Variants in PRKAG2 observed in about 807,000 individuals in gnomAD.
PRKAG2 encodes the protein protein kinase AMP-activated non-catalytic subunit gamma 2.
Under a neutral mutation model 69.6 loss-of-function variants are expected in PRKAG2, and 26 were observed. That is an observed-to-expected ratio of 0.37 (90% CI 0.27 to 0.52). The LOEUF (loss-of-function observed/expected upper bound fraction) is 0.52, where lower values mean the gene tolerates loss of function less well. PRKAG2 is among the 20% of genes least tolerant of loss of function. The pLI is 0.90. For missense variants in PRKAG2, 557 were observed against 740.0 expected, an observed-to-expected ratio of 0.75 and a Z score of 2.87; for synonymous variants, 293 against 285.0, an observed-to-expected ratio of 1.03 and a Z score of -0.28.
intron 3 of PRKAG2, among the ~76,000 whole-genome samples, chr7:151,757,384 C>T (rs1041393891): frequency 1.3e-5 from 2 of 152,146 alleles, no homozygotes; most frequent in Non-Finnish European, 1.5e-5. Flanking sequence ...AAGACTCATT[C>T]GAATTTCAAA....
At chr7:151,722,551 C>T (rs910149837) in intron 3 of PRKAG2, among the ~76,000 whole-genome samples, 3 of 152,186 alleles carry the variant, frequency 2.0e-5, no homozygotes, top group Middle Eastern at 3.4e-3. Context: ...AAGAAGGGCT[C>T]GGCTTTGATA....
chr7:151,723,508 C>A (rs1260709745), intron 3 of PRKAG2, among the ~76,000 whole-genome samples: 1 of 152,222 alleles, frequency 6.6e-6, no homozygotes, highest in Non-Finnish European at 1.5e-5. Flanking sequence ...CGCGGCCCAC[C>A]CCAAGGAGTT....
In PRKAG2 at chr7:151,675,516, G is replaced by A; in HGVS notation, c.588C>T (p.Ser196=). 6.2e-7 allele frequency: 1 copy of A among 1,614,214 alleles called. No homozygotes were observed. The change falls in exon 4 of 16, where the codon TCC becomes TCT. Residue 196 remains serine (S), a synonymous_variant. Coordinates refer to ENST00000287878, the MANE Select transcript of PRKAG2 (RefSeq NM_016203.4). The part of the protein sequence containing the change: ...RLENRIYASS[S]PPDTGQRFCP... ...AGAACCTCTGCCCTGTGTCCGGGGG[G>A]GAAGACGAGGCATAGATGCGATTCT... is the stretch of plus-strand genomic sequence containing the variant.
chr7:151,680,173 G>C (rs1053012453), intron 3 of PRKAG2, among the ~76,000 whole-genome samples: 1 of 152,152 alleles, frequency 6.6e-6, no homozygotes, highest in East Asian at 1.9e-4. Flanking sequence ...CCACAAACGC[G>C]CATGTTCCTG....
intron 3 of PRKAG2, among the ~76,000 whole-genome samples, chr7:151,718,514 C>T (rs1796533341): frequency 1.3e-5 from 2 of 151,612 alleles, no homozygotes; most frequent in Non-Finnish European, 2.9e-5. Context: ...CCACGTGGGC[C>T]TCCGTGTCCC....
chr7:151,765,088 C>T (rs146968526), intron 3 of PRKAG2, among the ~76,000 whole-genome samples: 2 of 152,180 alleles, frequency 1.3e-5, no homozygotes, highest in Non-Finnish European at 2.9e-5. Context: ...TGTGTGTGAG[C>T]CCGCAGTCCA....
In PRKAG2 at chr7:151,814,328, G is replaced by A; in HGVS notation, c.115-27787C>T. 2.1e-6 allele frequency: 2 copies of A among 942,848 alleles called. No individual in the cohort carries two copies. Among genetic ancestry groups the A allele is most frequent in the Non-Finnish European group, 2.7e-6 (2 of 744,480 alleles). The allele number at this position is 942,848 out of a possible 1,614,324, so 58.4% of individuals were successfully genotyped here. On this transcript the variant is annotated intron_variant, in intron 1 of 15. Coordinates refer to ENST00000287878, the MANE Select transcript of PRKAG2 (RefSeq NM_016203.4). The surrounding 1 kb of genome is among the most constrained non-coding windows in gnomAD (Gnocchi z 4.8). ...CAGCATCAGTCTTACACACCAAGGA[G>A]ACAAAGCATCGTGAGGGGGAAAACC...
At chr7:151,595,938 G>C (rs1454831986) in intron 5 of PRKAG2, among the ~76,000 whole-genome samples, 1 of 152,168 alleles carries the variant, frequency 6.6e-6, no homozygotes, top group Non-Finnish European at 1.5e-5. Flanking sequence ...GGGAGGCTGA[G>C]GTGGAAGGGT....
At chr7:151,677,601 G>C (rs994761078) in intron 3 of PRKAG2, among the ~76,000 whole-genome samples, 3 of 152,214 alleles carry the variant, frequency 2.0e-5, no homozygotes, top group African/African-American at 7.2e-5. Flanking sequence ...ATTACATGTA[G>C]CCTAGAGCTG....
rs570357209 is a variant in PRKAG2 at position 151,852,655 on chromosome 7, C to A, written c.114+23852G>T. On this transcript the variant is annotated intron_variant, in intron 1 of 15. Coordinates refer to ENST00000287878, the MANE Select transcript of PRKAG2 (RefSeq NM_016203.4). ...GACAGGCTGAGACCATATGAAGAAC[C>A]GCCCCAGGACCACAGAGATGCCAAC... is the stretch of plus-strand genomic sequence containing the variant. Among the ~76,000 whole-genome samples the A allele has an allele frequency of 2.0e-5, 3 of 152,136 alleles. No individual in the cohort carries two copies. In the South Asian group the frequency reaches 6.2e-4, roughly 32 times the overall value.
chr7:151,630,411 G>T (rs963446281), intron 5 of PRKAG2, among the ~76,000 whole-genome samples: 1 of 152,198 alleles, frequency 6.6e-6, no homozygotes, highest in East Asian at 1.9e-4. Context: ...GCACTTAAGC[G>T]ATAATAGTAA....
At chr7:151,578,093 C>A (rs1809422295) in intron 6 of PRKAG2, among the ~76,000 whole-genome samples, 1 of 151,458 alleles carries the variant, frequency 6.6e-6, no homozygotes, top group Non-Finnish European at 1.5e-5. Flanking sequence ...GTAATCCTAG[C>A]ACTCTGGGAG....
intron 1 of PRKAG2, among the ~76,000 whole-genome samples, chr7:151,847,353 A>G (rs34460571): frequency 0.73 from 111,037 of 151,306 alleles, 40,633 homozygotes; most frequent in Middle Eastern, 0.83. Flanking sequence ...GGGCGACAGG[A>G]GCCTACTGAG....
At chr7:151,808,983 T>G (rs1449587472) in intron 1 of PRKAG2, among the ~76,000 whole-genome samples, 1 of 152,118 alleles carries the variant, frequency 6.6e-6, no homozygotes, top group African/African-American at 2.4e-5. Flanking sequence ...TCCTCCCCAC[T>G]CCACGGCCAC....
At chr7:151,830,795 G>A (rs1157713404) in intron 1 of PRKAG2, among the ~76,000 whole-genome samples, 1 of 148,722 alleles carries the variant, frequency 6.7e-6, no homozygotes, top group East Asian at 2.0e-4. Context: ...GGCGGGGGGG[G>A]GTTGTGATGA....
chr7:151,718,923 C>A (rs1449363482), intron 3 of PRKAG2, among the ~76,000 whole-genome samples: 1 of 152,138 alleles, frequency 6.6e-6, no homozygotes, highest in East Asian at 1.9e-4. Flanking sequence ...ACCTAAAGGG[C>A]TGCCTGTTTC....
intron 1 of PRKAG2, among the ~76,000 whole-genome samples, chr7:151,802,916 T>C (rs1427901300): frequency 6.7e-6 from 1 of 150,008 alleles, no homozygotes; most frequent in African/African-American, 2.5e-5. Flanking sequence ...AAAGTTATCA[T>C]AGACATATAT....
chr7:151,816,064 G>A (rs2151859358), intron 1 of PRKAG2, among the ~76,000 whole-genome samples: 1 of 152,308 alleles, frequency 6.6e-6, no homozygotes, highest in South Asian at 2.1e-4. Flanking sequence ...GGGGACAGAA[G>A]GGCGTTGCAT....
Position 151,575,462 on chromosome 7 carries a change from A to G in PRKAG2, c.947-513T>C, listed in dbSNP as rs1584997008. Among the ~76,000 whole-genome samples the G allele has an allele frequency of 1.3e-5, 2 of 152,368 alleles. 1 individual carries two copies. The highest frequency in any genetic ancestry group is 4.1e-4 in the South Asian group (2 of 4,826). The stretch of plus-strand genomic sequence containing the variant: ...TTCCCTGATGAAATTAAAACCTAGA[A>G]GCAGACATAACGATCATTTCAAAAT... On this transcript the variant is annotated intron_variant, in intron 7 of 15. Coordinates refer to ENST00000287878, the MANE Select transcript of PRKAG2 (RefSeq NM_016203.4).
Sources: allele counts gnomAD v4.1 joint callset (sites outside exome capture counted in the v4.1 genomes callset), GRCh38; gene constraint gnomAD v4.1.1; non-coding constraint Gnocchi (gnomAD v3.1); transcripts MANE v1.5; gene names NCBI Gene and HGNC (gene_info 2026-07-23, HGNC 2026-07-21).